CLDN20: variants seen among roughly 807,000 people sequenced by gnomAD.
CLDN20 encodes claudin 20.
For synonymous variants in CLDN20, 104 were observed against 103.6 expected (o/e 1.00, Z -0.03); for missense variants, 258 against 267.9 (o/e 0.96, Z 0.26).
Position 155,276,153 on chromosome 6 carries a change from C to T in CLDN20, c.434C>T (p.Ala145Val). 1 of 1,614,142 alleles carries T rather than the reference C, an allele frequency of 6.2e-7. No homozygotes were observed. Among genetic ancestry groups the T allele is most frequent in the Non-Finnish European group, 8.5e-7 (1 of 1,180,000 alleles). ...GTGTGGTACACAAAGGAGATCATAG[C>T]AAACTTTCTGGATCTGACAGTTCCA... The part of the protein sequence containing the change: ...STVWYTKEII[A>V]NFLDLTVPES... Residue 145 changes from alanine to valine, a missense_variant, in exon 2 of 2, where the codon GCA (alanine) becomes GTA (valine). Coordinates refer to ENST00000367165, the MANE Select transcript of CLDN20 (RefSeq NM_001001346.3).
rs190994221 is a variant in CLDN20, at chr6:155,267,171, C to T, written c.-105+2883C>T. Among the ~76,000 whole-genome samples the T allele has an allele frequency of 2.1e-3, 321 of 152,148 alleles. 1 individual carries two copies. Among genetic ancestry groups the T allele is most frequent in the Non-Finnish European group, 2.9e-3 (196 of 68,010 alleles). ...TGTATTTTTAATAGAGACTGGGTTT[C>T]ACCATGTTGGCCAGGCTGGTCTCAA... On this transcript the variant is annotated intron_variant, in intron 1 of 1. Coordinates refer to ENST00000367165, the MANE Select transcript of CLDN20 (RefSeq NM_001001346.3).
intron 1 of CLDN20, among the ~76,000 whole-genome samples, chr6:155,271,044 A>G (rs1246261831): frequency 2.0e-5 from 3 of 152,252 alleles, no homozygotes; most frequent in Non-Finnish European, 2.9e-5. Flanking sequence ...GAGGAAAAAG[A>G]GTATCTTGCT....
Position 155,276,006 on chromosome 6 carries a change from G to A in CLDN20, c.287G>A (p.Cys96Tyr), listed in dbSNP as rs754016769. 1.9e-6 allele frequency: 3 copies of A among 1,614,130 alleles called. No individual in the cohort carries two copies. The highest frequency in any genetic ancestry group is 2.5e-6 in the Non-Finnish European group (3 of 1,180,022). The change falls in exon 2 of 2, where the codon TGC (cysteine) becomes TAC (tyrosine). Residue 96 changes from cysteine to tyrosine, a missense_variant. Cys to Tyr is a radical substitution (Grantham distance 194). Transcript: ENST00000367165. ...LACVLSALGICTSTVGMKCTR... is the reference protein window; with the variant it reads ...LACVLSALGIYTSTVGMKCTR... ...TGTGTTCTGTCTGCTTTGGGGATCTGCACTTCCACAGTAGGAATGAAATGT... is the reference window on the plus strand; with the variant it reads ...TGTGTTCTGTCTGCTTTGGGGATCTACACTTCCACAGTAGGAATGAAATGT...
chr6:155,270,169 G>T (rs773129930), intron 1 of CLDN20, among the ~76,000 whole-genome samples: 1 of 152,214 alleles, frequency 6.6e-6, no homozygotes, highest in Non-Finnish European at 1.5e-5. Context: ...TGCCACTAAT[G>T]AACCTGGGAA....
intron 1 of CLDN20, among the ~76,000 whole-genome samples, chr6:155,268,438 T>C (rs1188442992): frequency 1.3e-5 from 2 of 152,222 alleles, no homozygotes; most frequent in African/African-American, 4.8e-5. Flanking sequence ...GATGAGAAGA[T>C]GGAGTGCAAT....
chr6:155,271,171 G>C (rs7776113), intron 1 of CLDN20, among the ~76,000 whole-genome samples: 3,569 of 152,266 alleles, frequency 0.023, 155 homozygotes, highest in African/African-American at 0.082. Context: ...GTTATTAACA[G>C]TTGTTAAATT....
At chr6:155,273,949 C>T (rs1329406186) in intron 1 of CLDN20, among the ~76,000 whole-genome samples, 2 of 152,138 alleles carry the variant, frequency 1.3e-5, no homozygotes, top group Non-Finnish European at 2.9e-5. Flanking sequence ...TGTCACAATA[C>T]ATAAGAAATA....
chr6:155,272,972 TAGAA>T (rs776818428), intron 1 of CLDN20, among the ~76,000 whole-genome samples: 25 of 152,070 alleles, frequency 1.6e-4, no homozygotes, highest in Non-Finnish European at 3.7e-4. Context: ...TCAGTCAAAG[TAGAA>T]AGAAAGAGAG....
intron 1 of CLDN20, among the ~76,000 whole-genome samples, chr6:155,269,956 A>T (rs958456368): frequency 2.6e-5 from 4 of 152,246 alleles, no homozygotes; most frequent in African/African-American, 9.6e-5. Context: ...TGAACGAAAC[A>T]GAGAGAAGTG....
chr6:155,267,269 C>T (rs917163788), intron 1 of CLDN20, among the ~76,000 whole-genome samples: 4 of 152,226 alleles, frequency 2.6e-5, no homozygotes, highest in African/African-American at 9.6e-5. Flanking sequence ...GCCACCACAC[C>T]TGGCCGTAGA....
chr6:155,275,803 C>T lies in CLDN20; in HGVS notation c.84C>T (p.Pro28=), dbSNP rs765325126. Residue 28 remains proline (P), a synonymous_variant, in exon 2 of 2, where the codon CCC becomes CCT. Transcript: ENST00000367165. ...GAGTGCTCACAGCCACTCTGCTGCC[C>T]AACTGGAAGGTGAATGTGGATGTGG... ...VSGVLTATLL[P]NWKVNVDVDS... 1.9e-6 allele frequency: 3 copies of T among 1,613,974 alleles called. No homozygotes were observed. The highest frequency in any genetic ancestry group is 1.7e-5 in the Admixed American group (1 of 59,998).
chr6:155,269,704 CA>C, intron 1 of CLDN20, among the ~76,000 whole-genome samples: 1 of 152,242 alleles, frequency 6.6e-6, no homozygotes, highest in South Asian at 2.1e-4. Flanking sequence ...CAGTACCTGG[CA>C]TATGGAAAGC....
chr6:155,276,160 T>G lies in CLDN20; in HGVS notation c.441T>G (p.Phe147Leu), dbSNP rs1785198171. The G allele has an allele frequency of 6.2e-7, 1 of 1,614,114 alleles. No homozygotes were observed. The highest frequency in any genetic ancestry group is 2.2e-5 in the East Asian group (1 of 44,898). The change falls in exon 2 of 2, where the codon TTT becomes TTG. Residue 147 changes from phenylalanine (F) to leucine (L), a missense_variant. Coordinates refer to ENST00000367165, the MANE Select transcript of CLDN20 (RefSeq NM_001001346.3). The part of the protein sequence containing the change: ...VWYTKEIIAN[F>L]LDLTVPESNK... Reference sequence around the variant, plus strand: ...ACACAAAGGAGATCATAGCAAACTTTCTGGATCTGACAGTTCCAGAAAGCA... The same window carrying G: ...ACACAAAGGAGATCATAGCAAACTTGCTGGATCTGACAGTTCCAGAAAGCA...
In CLDN20 at chr6:155,276,163, G is replaced by A; in HGVS notation, c.444G>A (p.Leu148=). 1.2e-6 allele frequency: 2 copies of A among 1,614,084 alleles called. No individual in the cohort carries two copies. The highest frequency in any genetic ancestry group is 1.7e-6 in the Non-Finnish European group (2 of 1,179,986). ...CAAAGGAGATCATAGCAAACTTTCT[G>A]GATCTGACAGTTCCAGAAAGCAACA... The part of the protein sequence containing the change: ...WYTKEIIANF[L]DLTVPESNKH... The change falls in exon 2 of 2, where the codon CTG becomes CTA. Residue 148 remains leucine (L), a synonymous_variant. Transcript: ENST00000367165.
Sources: gnomAD v4.1 joint callset for allele counts (sites outside exome capture counted in the v4.1 genomes callset) on GRCh38, gnomAD v4.1.1 for gene constraint, MANE v1.5 for transcripts, NCBI Gene and HGNC (gene_info 2026-07-23, HGNC 2026-07-21) for gene names.